NCKAP5: variants seen among roughly 807,000 people sequenced by gnomAD.
NCKAP5 encodes the protein NCK associated protein 5, also known as nck-associated protein 5.
A neutral mutation model predicts 167.0 loss-of-function variants in NCKAP5; 92 were observed. That is an observed-to-expected ratio of 0.55 (90% CI 0.47 to 0.66). The LOEUF is 0.66. Among genes scored for constraint, NCKAP5 ranks in the 30% least tolerant of loss-of-function variants. The pLI, the probability that NCKAP5 is intolerant of heterozygous loss-of-function variation, is 0.00. For synonymous variants in NCKAP5, 891 were observed against 877.4 expected, an observed-to-expected ratio of 1.02 and a Z score of -0.27; for missense variants, 2,378 against 2,315.0, an observed-to-expected ratio of 1.03 and a Z score of -0.56.
chr2:133,123,778 T>C (rs1486490705), intron 6 of NCKAP5: 1 of 471,048 alleles, frequency 2.1e-6, no homozygotes, highest in Non-Finnish European at 4.4e-6. Context: ...GCTTTTCTCA[T>C]CTTGTTACAT....
intron 3 of NCKAP5, among the ~76,000 whole-genome samples, chr2:133,345,125 A>G (rs1403754778): frequency 6.6e-6 from 1 of 152,098 alleles, no homozygotes; most frequent in African/African-American, 2.4e-5. Context: ...TCTCCTGTTA[A>G]GCTCTCCCTA....
intron 4 of NCKAP5, among the ~76,000 whole-genome samples, chr2:133,280,437 G>T (rs2089894095): frequency 6.6e-6 from 1 of 152,032 alleles, no homozygotes; most frequent in Non-Finnish European, 1.5e-5. Context: ...GACAGGGTCT[G>T]ACTCTCTTGC....
chr2:133,423,911 G>A (rs1246240262), intron 3 of NCKAP5, among the ~76,000 whole-genome samples: 2 of 152,136 alleles, frequency 1.3e-5, no homozygotes, highest in African/African-American at 2.4e-5. Flanking sequence ...TTTGCATTTT[G>A]TTTTCAATAA....
At chr2:133,451,902 G>C (rs878955663) in intron 3 of NCKAP5, among the ~76,000 whole-genome samples, 4 of 152,160 alleles carry the variant, frequency 2.6e-5, no homozygotes, top group Admixed American at 2.6e-4. Context: ...AAAAATAATT[G>C]TGTGTTGTCT....
chr2:132,861,486 A>G (rs1197508355), intron 10 of NCKAP5, among the ~76,000 whole-genome samples: 1 of 134,288 alleles, frequency 7.4e-6, no homozygotes, highest in Non-Finnish European at 1.6e-5. Flanking sequence ...ATCTTTCACT[A>G]CTTCCTGATG....
At chr2:132,993,040 C>T (rs1335781005) in intron 7 of NCKAP5, among the ~76,000 whole-genome samples, 1 of 152,152 alleles carries the variant, frequency 6.6e-6, no homozygotes, top group Non-Finnish European at 1.5e-5. Context: ...AATCCCTTTT[C>T]ACAACCAGTT....
the NCKAP5 span, among the ~76,000 whole-genome samples, chr2:133,586,338 C>T: frequency 6.6e-6 from 1 of 152,118 alleles, no homozygotes; most frequent in Non-Finnish European, 1.5e-5. Flanking sequence ...CTTCCGATTC[C>T]TGGCCAGTTC....
chr2:133,484,157 C>T (rs1680702163), intron 3 of NCKAP5, among the ~76,000 whole-genome samples: 1 of 152,086 alleles, frequency 6.6e-6, no homozygotes, highest in Non-Finnish European at 1.5e-5. Context: ...GACTGTTGCT[C>T]TTCTATCAGA....
intron 3 of NCKAP5, among the ~76,000 whole-genome samples, chr2:133,345,121 G>A (rs1683878203): frequency 6.6e-6 from 1 of 152,056 alleles, no homozygotes; most frequent in Non-Finnish European, 1.5e-5. Flanking sequence ...AATATCTCCT[G>A]TTAAGCTCTC....
chr2:133,300,789 CAGG>C (rs1363689825), intron 4 of NCKAP5, among the ~76,000 whole-genome samples: 1 of 123,882 alleles, frequency 8.1e-6, no homozygotes, highest in African/African-American at 3.4e-5. Flanking sequence ...CGCAATCAGG[CAGG>C]AGAAGGAAAT....
the NCKAP5 span, among the ~76,000 whole-genome samples, chr2:133,574,012 G>A: frequency 5.8e-4 from 89 of 152,294 alleles, no homozygotes; most frequent in Middle Eastern, 3.4e-3. Context: ...AACTGAGAGT[G>A]CAATGAATTT....
At chr2:132,688,934 C>T (rs779446971) in intron 19 of NCKAP5, among the ~76,000 whole-genome samples, 5 of 132,070 alleles carry the variant, frequency 3.8e-5, no homozygotes, top group Admixed American at 3.6e-4. Flanking sequence ...TACAGTGAGC[C>T]GTGATGGCAC....
intron 7 of NCKAP5, among the ~76,000 whole-genome samples, chr2:132,969,065 T>A (rs767884794): frequency 6.6e-6 from 1 of 151,832 alleles, no homozygotes; most frequent in Non-Finnish European, 1.5e-5. Context: ...TGAGATGGAG[T>A]CTCCCTCTGT....
intron 6 of NCKAP5, among the ~76,000 whole-genome samples, chr2:133,015,394 AT>A (rs377191008): frequency 7.0e-4 from 106 of 151,926 alleles, no homozygotes; most frequent in African/African-American, 2.5e-3. Context: ...CTGACTTTTC[AT>A]TTTTTGGTCC....
At chr2:133,363,871 A>G (rs1424571752) in intron 3 of NCKAP5, among the ~76,000 whole-genome samples, 1 of 152,190 alleles carries the variant, frequency 6.6e-6, no homozygotes, top group African/African-American at 2.4e-5. Flanking sequence ...ACCTTGTTTA[A>G]CTGTTGTAAC....
upstream of NCKAP5, among the ~76,000 whole-genome samples, chr2:133,572,566 A>G (rs184478598): frequency 6.6e-5 from 10 of 152,300 alleles, no homozygotes; most frequent in East Asian, 1.7e-3. Context: ...GGAATTCAGT[A>G]TATTTGTTGC....
At chr2:132,857,032 A>G (rs1180939960) in intron 11 of NCKAP5, among the ~76,000 whole-genome samples, 1 of 152,196 alleles carries the variant, frequency 6.6e-6, no homozygotes, top group East Asian at 1.9e-4. Context: ...GATAAAGATG[A>G]AATTGGTGAG....
intron 3 of NCKAP5, among the ~76,000 whole-genome samples, chr2:133,424,368 C>T (rs145613255): frequency 6.6e-6 from 1 of 152,310 alleles, no homozygotes; most frequent in East Asian, 1.9e-4. Context: ...CAACTTGCTA[C>T]TACTCAGATA....
intron 4 of NCKAP5, among the ~76,000 whole-genome samples, chr2:133,270,500 T>C (rs1368654679): frequency 3.3e-5 from 5 of 152,152 alleles, no homozygotes; most frequent in African/African-American, 1.2e-4. Context: ...AATAGTGAGG[T>C]AGGTGAATAG....
Sources: gnomAD v4.1 joint callset for allele counts (sites outside exome capture counted in the v4.1 genomes callset) on GRCh38, gnomAD v4.1.1 for gene constraint, MANE v1.5 for transcripts, NCBI Gene and HGNC (gene_info 2026-07-23, HGNC 2026-07-21) for gene names.